MACROD2: variants seen among roughly 807,000 people sequenced by gnomAD.
The protein encoded by MACROD2 is ADP-ribose glycohydrolase MACROD2.
Under a neutral mutation model 70.4 loss-of-function variants are expected in MACROD2, and 36 were observed. The observed-to-expected ratio is 0.51, with a 90% CI of 0.39 to 0.68. MACROD2 has a LOEUF of 0.68. Among genes scored for constraint, MACROD2 ranks in the 30% least tolerant of loss-of-function variants. The pLI is 0.00. For missense variants in MACROD2, 496 were observed against 538.4 expected (o/e 0.92, Z 0.78); for synonymous variants, 172 against 178.8 (o/e 0.96, Z 0.30).
intron 8 of MACROD2, among the ~76,000 whole-genome samples, chr20:15,565,904 C>T (rs1044357254): frequency 1.3e-5 from 2 of 151,968 alleles, no homozygotes; most frequent in Admixed American, 1.3e-4. Flanking sequence ...CCAAGCCACA[C>T]TGGGTTTGCA....
At chr20:14,791,445 T>G (rs2072449938) in intron 5 of MACROD2, among the ~76,000 whole-genome samples, 2 of 152,098 alleles carry the variant, frequency 1.3e-5, no homozygotes. Context: ...GATGGAATAG[T>G]GGGATAAAAA....
chr20:15,909,888 A>G (rs1217419565), intron 10 of MACROD2, among the ~76,000 whole-genome samples: 2 of 152,088 alleles, frequency 1.3e-5, no homozygotes, highest in Non-Finnish European at 2.9e-5. Flanking sequence ...GGAAATTACT[A>G]ATGGAAAACA....
intron 5 of MACROD2, among the ~76,000 whole-genome samples, chr20:14,978,781 G>A (rs904961709): frequency 6.7e-6 from 1 of 149,714 alleles, no homozygotes; most frequent in African/African-American, 2.5e-5. Context: ...AGCTCTGCCA[G>A]CAATTTTCTC....
At chr20:15,032,355 C>A (rs1162852302) in intron 5 of MACROD2, among the ~76,000 whole-genome samples, 1 of 152,228 alleles carries the variant, frequency 6.6e-6, no homozygotes, top group Non-Finnish European at 1.5e-5. Context: ...TGCCCTGGCG[C>A]GCCTACCCCT....
At position 14,934,726 on chromosome 20, in the gene MACROD2, G is replaced by T. The variant is rs189564738; in HGVS notation, c.418+249767G>T. 6.7e-3 allele frequency among the ~76,000 whole-genome samples: 1,019 copies of T among 152,268 alleles called. 11 individuals are homozygous for T. The highest frequency in any genetic ancestry group is 0.023 in the African/African-American group (974 of 41,552). ...TGCTTGAACTCAGGAGGTGGAGGTT[G>T]CAGTGACCAAGATTGTACCACTGCA... is the stretch of plus-strand genomic sequence containing the variant. On this transcript the variant is annotated intron_variant, in intron 5 of 17. Transcript: ENST00000684519.
At chr20:14,637,230 A>C (rs1292791649) in intron 4 of MACROD2, among the ~76,000 whole-genome samples, 1 of 152,028 alleles carries the variant, frequency 6.6e-6, no homozygotes, top group Non-Finnish European at 1.5e-5. Context: ...CTTGATTTAC[A>C]TGTGTCTAAC....
At chr20:15,760,139 A>G (rs977331594) in intron 8 of MACROD2, among the ~76,000 whole-genome samples, 3 of 152,166 alleles carry the variant, frequency 2.0e-5, no homozygotes, top group Non-Finnish European at 4.4e-5. Flanking sequence ...GGATCAAAAA[A>G]GGACCTCAGG....
intron 8 of MACROD2, among the ~76,000 whole-genome samples, chr20:15,572,625 A>T (rs1236372771): frequency 1.3e-5 from 2 of 152,112 alleles, no homozygotes; most frequent in Non-Finnish European, 2.9e-5. Flanking sequence ...ATTTTGATAT[A>T]CCTTTAAATT....
At chr20:15,817,684 A>G (rs931093399) in intron 8 of MACROD2, among the ~76,000 whole-genome samples, 4 of 151,966 alleles carry the variant, frequency 2.6e-5, no homozygotes, top group Admixed American at 1.3e-4. Flanking sequence ...CCACCACCAT[A>G]TCTCTCCTGG....
intron 5 of MACROD2, among the ~76,000 whole-genome samples, chr20:14,785,405 G>A (rs994271585): frequency 6.6e-6 from 1 of 151,584 alleles, no homozygotes; most frequent in Non-Finnish European, 1.5e-5. Flanking sequence ...TTAATGGGAT[G>A]ATAACCAGAA....
chr20:14,914,960 T>TA (rs2074073191), intron 5 of MACROD2, among the ~76,000 whole-genome samples: 1 of 152,176 alleles, frequency 6.6e-6, no homozygotes, highest in African/African-American at 2.4e-5. Context: ...GGATCAAACC[T>TA]AAAATGACAA....
intron 3 of MACROD2, among the ~76,000 whole-genome samples, chr20:14,227,395 TG>T (rs372658699): frequency 6.6e-6 from 1 of 152,110 alleles, no homozygotes; most frequent in Non-Finnish European, 1.5e-5. Flanking sequence ...CTTTATGAGA[TG>T]TAACACTCAC....
intron 5 of MACROD2, among the ~76,000 whole-genome samples, chr20:14,768,430 C>T (rs543097260): frequency 6.6e-6 from 1 of 152,212 alleles, no homozygotes; most frequent in South Asian, 2.1e-4. Context: ...TTTCCCTGTT[C>T]TCAGTTGGAC....
chr20:15,126,576 A>G (rs2123263978), intron 5 of MACROD2, among the ~76,000 whole-genome samples: 1 of 152,270 alleles, frequency 6.6e-6, no homozygotes, highest in African/African-American at 2.4e-5. Flanking sequence ...CAAGAATTCA[A>G]ATAGAGTAAC....
At chr20:14,071,056 T>C (rs1289266032) in intron 2 of MACROD2, among the ~76,000 whole-genome samples, 1 of 152,090 alleles carries the variant, frequency 6.6e-6, no homozygotes, top group Non-Finnish European at 1.5e-5. Flanking sequence ...CCCTTAGCTG[T>C]TTATCAGATG....
intron 6 of MACROD2, among the ~76,000 whole-genome samples, chr20:15,368,985 G>T (rs2045452481): frequency 6.6e-6 from 1 of 152,152 alleles, no homozygotes; most frequent in Admixed American, 6.5e-5. Flanking sequence ...ATACCTGTTT[G>T]TCATGCATAT....
intron 5 of MACROD2, among the ~76,000 whole-genome samples, chr20:14,780,760 G>A (rs1297803125): frequency 6.6e-6 from 1 of 152,044 alleles, no homozygotes; most frequent in East Asian, 1.9e-4. Context: ...AGAGAGGAAT[G>A]AGAGTGGTAT....
At chr20:15,779,917 C>G (rs752091920) in intron 8 of MACROD2, among the ~76,000 whole-genome samples, 5 of 151,192 alleles carry the variant, frequency 3.3e-5, no homozygotes, top group Non-Finnish European at 2.9e-5. Flanking sequence ...TCTGCTGTGC[C>G]ATTCTTGTAT....
intron 3 of MACROD2, among the ~76,000 whole-genome samples, chr20:14,359,555 A>T (rs763989501): frequency 6.6e-6 from 1 of 152,268 alleles, no homozygotes; most frequent in Non-Finnish European, 1.5e-5. Flanking sequence ...TATGGAATCA[A>T]CCTAAGTATT....
Sources: allele counts gnomAD v4.1 joint callset (sites outside exome capture counted in the v4.1 genomes callset), GRCh38; gene constraint gnomAD v4.1.1; transcripts MANE v1.5; gene names NCBI Gene and HGNC (gene_info 2026-07-23, HGNC 2026-07-21).